CNTN5: variants seen among roughly 807,000 people sequenced by gnomAD.
CNTN5 encodes the protein contactin-5.
A neutral mutation model predicts 129.1 loss-of-function variants in CNTN5; 77 were observed. The ratio of observed to expected loss-of-function variants is 0.60; its 90% confidence interval spans 0.50 to 0.72. CNTN5 has a LOEUF of 0.72. Ranked by LOEUF, CNTN5 falls within the 30% of genes least tolerant of loss-of-function variation. CNTN5 has a pLI of 0.00. For synonymous variants in CNTN5, 509 were observed against 465.6 expected (o/e 1.09, Z -1.20); for missense variants, 1,478 against 1,328.8 (o/e 1.11, Z -1.75).
intron 2 of CNTN5, among the ~76,000 whole-genome samples, chr11:99,341,377 T>C (rs1866506094): frequency 6.6e-6 from 1 of 152,206 alleles, no homozygotes; most frequent in East Asian, 1.9e-4. Context: ...TCTCATTTTA[T>C]ATTATTTCAA....
At chr11:99,119,590 A>G (rs1335479352) in intron 1 of CNTN5, among the ~76,000 whole-genome samples, 3 of 152,174 alleles carry the variant, frequency 2.0e-5, no homozygotes, top group African/African-American at 2.4e-5. Context: ...TAGTGCTGCA[A>G]TGAACATACG....
intron 2 of CNTN5, among the ~76,000 whole-genome samples, chr11:99,518,020 A>G (rs1947126096): frequency 6.6e-6 from 1 of 152,106 alleles, no homozygotes; most frequent in Non-Finnish European, 1.5e-5. Flanking sequence ...ATTCACCCAT[A>G]ACCTAGAAAA....
intron 8 of CNTN5, among the ~76,000 whole-genome samples, chr11:99,982,334 GA>G (rs1382778553): frequency 6.6e-6 from 1 of 152,080 alleles, no homozygotes; most frequent in East Asian, 1.9e-4. Context: ...TTACAAGAAA[GA>G]AAAATAAATG....
At chr11:99,471,796 G>A (rs1247745250) in intron 2 of CNTN5, among the ~76,000 whole-genome samples, 2 of 152,168 alleles carry the variant, frequency 1.3e-5, no homozygotes, top group Admixed American at 6.5e-5. Context: ...TAACCACTCT[G>A]TAATTATGCT....
chr11:99,631,277 C>T (rs2135802541), intron 3 of CNTN5, among the ~76,000 whole-genome samples: 1 of 152,118 alleles, frequency 6.6e-6, no homozygotes, highest in Middle Eastern at 3.4e-3. Flanking sequence ...ACAAATATTC[C>T]TCTTACCTTA....
intron 15 of CNTN5, among the ~76,000 whole-genome samples, chr11:100,204,260 C>A (rs1948856558): frequency 9.8e-6 from 1 of 101,562 alleles, no homozygotes; most frequent in Non-Finnish European, 1.9e-5. Flanking sequence ...TAAAAACTAG[C>A]CATTTAGAGT....
At chr11:99,131,115 A>AG (rs71046663) in intron 1 of CNTN5, among the ~76,000 whole-genome samples, 5 of 141,058 alleles carry the variant, frequency 3.5e-5, no homozygotes, top group Non-Finnish European at 6.2e-5. Context: ...ACAAAAAATT[A>AG]CAGGCACCTG....
intron 13 of CNTN5, among the ~76,000 whole-genome samples, chr11:100,158,331 T>A (rs1195373980): frequency 6.6e-6 from 1 of 150,776 alleles, no homozygotes; most frequent in Non-Finnish European, 1.5e-5. Context: ...GGATAGTGAC[T>A]GTAATTAATA....
At chr11:99,875,664 AC>A (rs1376296843) in intron 6 of CNTN5, among the ~76,000 whole-genome samples, 2 of 152,192 alleles carry the variant, frequency 1.3e-5, no homozygotes, top group South Asian at 4.1e-4. Context: ...AGCATTCCAT[AC>A]CCAAACACTC....
chr11:99,963,546 T>A (rs1951009887), intron 8 of CNTN5, among the ~76,000 whole-genome samples: 1 of 152,188 alleles, frequency 6.6e-6, no homozygotes, highest in Admixed American at 6.5e-5. Context: ...TACCATGCTG[T>A]TTTGGTTACT....
chr11:99,058,178 T>C (rs985284398), intron 1 of CNTN5, among the ~76,000 whole-genome samples: 1 of 151,984 alleles, frequency 6.6e-6, no homozygotes, highest in East Asian at 1.9e-4. Flanking sequence ...CTGAAGAGTT[T>C]TGAGCATAGT....
intron 2 of CNTN5, among the ~76,000 whole-genome samples, chr11:99,514,261 A>G (rs900469941): frequency 6.6e-5 from 10 of 152,130 alleles, no homozygotes; most frequent in African/African-American, 2.4e-4. Context: ...ATGGATGAGT[A>G]ACAAAAGTAA....
intron 2 of CNTN5, among the ~76,000 whole-genome samples, chr11:99,382,115 A>G (rs562384923): frequency 2.0e-5 from 3 of 152,346 alleles, no homozygotes; most frequent in South Asian, 4.1e-4. Flanking sequence ...ATGAGAGTAC[A>G]ATAATCAGCG....
chr11:100,206,184 T>C (rs1332787114), intron 15 of CNTN5, among the ~76,000 whole-genome samples: 1 of 152,054 alleles, frequency 6.6e-6, no homozygotes, highest in Non-Finnish European at 1.5e-5. Flanking sequence ...ATGTTACCTG[T>C]GCCTACTCTT....
chr11:99,697,750 A>G (rs1460587667), intron 3 of CNTN5, among the ~76,000 whole-genome samples: 1 of 151,774 alleles, frequency 6.6e-6, no homozygotes, highest in Admixed American at 6.6e-5. Flanking sequence ...CGATAATACT[A>G]GAAACCAAGT....
chr11:99,635,276 C>T (rs1368859769), intron 3 of CNTN5, among the ~76,000 whole-genome samples: 1 of 152,106 alleles, frequency 6.6e-6, no homozygotes, highest in Non-Finnish European at 1.5e-5. Context: ...GGGAGATCAG[C>T]ACACCCTCAT....
intron 1 of CNTN5, among the ~76,000 whole-genome samples, chr11:99,128,777 G>A (rs1249248827): frequency 6.6e-6 from 1 of 152,090 alleles, no homozygotes; most frequent in Non-Finnish European, 1.5e-5. Flanking sequence ...GGAGCAGGCA[G>A]CAATCTTTGA....
Position 99,997,091 on chromosome 11 carries a change from T to C in CNTN5, c.878-4943T>C, listed in dbSNP as rs1489581050. ...TTAATCCAAAACTCCAAGTCCAGTT[T>C]ATCATTTTTGATTGCGTCTATTTGA... On this transcript the variant is annotated intron_variant, in intron 8 of 24. Coordinates refer to ENST00000524871, the MANE Select transcript of CNTN5 (RefSeq NM_014361.4). 3.3e-5 allele frequency among the ~76,000 whole-genome samples: 5 copies of C among 152,360 alleles called. No homozygotes were observed. In the East Asian group the frequency reaches 9.7e-4, roughly 29 times the overall value.
intron 6 of CNTN5, among the ~76,000 whole-genome samples, chr11:99,860,487 G>A (rs548992718): frequency 1.9e-4 from 29 of 152,236 alleles, no homozygotes; most frequent in African/African-American, 6.5e-4. Context: ...TTTGTATATG[G>A]TGAAATGTAG....
Sources: gnomAD v4.1 joint callset for allele counts (sites outside exome capture counted in the v4.1 genomes callset) on GRCh38, gnomAD v4.1.1 for gene constraint, MANE v1.5 for transcripts, NCBI Gene and HGNC (gene_info 2026-07-23, HGNC 2026-07-21) for gene names.